Variants in MCF2L2 observed in about 807,000 individuals in gnomAD.
The protein encoded by MCF2L2 is MCF.2 cell line derived transforming sequence-like 2.
A neutral mutation model predicts 150.2 loss-of-function variants in MCF2L2; 102 were observed. The observed-to-expected ratio is 0.68, with a 90% CI of 0.58 to 0.80. The LOEUF is 0.80. MCF2L2 is among the 30% of genes least tolerant of loss of function. The pLI is 0.00. For synonymous variants in MCF2L2, 465 were observed against 491.3 expected, an observed-to-expected ratio of 0.95 and a Z score of 0.71; for missense variants, 1,256 against 1,372.8, an observed-to-expected ratio of 0.91 and a Z score of 1.34.
chr3:183,244,342 C>T (rs1313797384), intron 15 of MCF2L2, among the ~76,000 whole-genome samples: 2 of 152,124 alleles, frequency 1.3e-5, no homozygotes, highest in African/African-American at 2.4e-5. Context: ...TTGCCAGGGG[C>T]TCTTTGGCAC....
intron 13 of MCF2L2, among the ~76,000 whole-genome samples, chr3:183,294,225 T>C (rs1728329073): frequency 6.6e-6 from 1 of 152,214 alleles, no homozygotes; most frequent in Non-Finnish European, 1.5e-5. Flanking sequence ...TTACCTATTT[T>C]TTAAATCTTT....
chr3:183,295,914 T>C (rs1365491142), intron 12 of MCF2L2, among the ~76,000 whole-genome samples: 3 of 152,110 alleles, frequency 2.0e-5, no homozygotes, highest in Admixed American at 1.3e-4. Flanking sequence ...GCCGAGATCA[T>C]GCCACTGCAC....
At chr3:183,377,935 T>C (rs1365961785) in intron 3 of MCF2L2, 1 of 152,076 alleles carries the variant, frequency 6.6e-6, no homozygotes, top group East Asian at 1.9e-4. Flanking sequence ...AGGAGGAAAT[T>C]GATGAAATAT....
chr3:183,275,438 CAGT>C (rs1000247164), intron 15 of MCF2L2, among the ~76,000 whole-genome samples: 2 of 152,208 alleles, frequency 1.3e-5, no homozygotes, highest in African/African-American at 2.4e-5. Context: ...AGAACAAAAA[CAGT>C]AGTCTTACAG....
intron 14 of MCF2L2, among the ~76,000 whole-genome samples, chr3:183,278,197 T>G (rs1036067329): frequency 7.1e-6 from 1 of 141,828 alleles, no homozygotes; most frequent in Non-Finnish European, 1.5e-5. Flanking sequence ...AGAAAAAATA[T>G]ATATATATAT....
intron 1 of MCF2L2, among the ~76,000 whole-genome samples, chr3:183,417,699 T>G (rs555326171): frequency 6.6e-6 from 1 of 152,314 alleles, no homozygotes; most frequent in South Asian, 2.1e-4. Flanking sequence ...AGATACTATG[T>G]TAGTCCGTTT....
At chr3:183,290,098 A>G (rs938728451) in intron 13 of MCF2L2, among the ~76,000 whole-genome samples, 1 of 152,208 alleles carries the variant, frequency 6.6e-6, no homozygotes, top group African/African-American at 2.4e-5. Context: ...GAAAAACACT[A>G]AACTCTTAAC....
At chr3:183,333,753 A>G (rs1036875462) in intron 5 of MCF2L2, among the ~76,000 whole-genome samples, 17 of 152,148 alleles carry the variant, frequency 1.1e-4, no homozygotes, top group African/African-American at 2.9e-4. Flanking sequence ...ATACGTGCAT[A>G]TATTTACAGC....
chr3:183,255,552 C>CTAAGGTAGAACCAGTGT (rs1215536586), intron 15 of MCF2L2, among the ~76,000 whole-genome samples: 2 of 152,122 alleles, frequency 1.3e-5, no homozygotes, highest in Admixed American at 1.3e-4. Context: ...CTGCAAGGCT[C>CTAAGGTAGAACCAGTGT]TAAGGTAGAA....
At chr3:183,202,419 G>C (rs1182348266) in intron 25 of MCF2L2, among the ~76,000 whole-genome samples, 1 of 152,194 alleles carries the variant, frequency 6.6e-6, no homozygotes, top group East Asian at 1.9e-4. Flanking sequence ...GACTCTAGAA[G>C]ACCATGCACA....
intron 15 of MCF2L2, among the ~76,000 whole-genome samples, chr3:183,247,754 G>A (rs2108689356): frequency 6.6e-6 from 1 of 152,162 alleles, no homozygotes; most frequent in East Asian, 1.9e-4. Flanking sequence ...ATTGTATTAG[G>A]TATTATAAGT....
At chr3:183,317,168 T>G (rs1577059210) in intron 7 of MCF2L2, among the ~76,000 whole-genome samples, 1 of 152,184 alleles carries the variant, frequency 6.6e-6, no homozygotes, top group Admixed American at 6.5e-5. Flanking sequence ...TAGTGGTAGG[T>G]GCTCAATAAA....
rs751158534 is a variant in MCF2L2, at chr3:183,309,665, A to G, written c.1113+51T>C. ...TAGCAATGACTGGACATGATCCATC[A>G]TTGTCCACAGCAACCTCCCTCCCAG... On this transcript the variant is annotated intron_variant, in intron 10 of 29. Coordinates refer to ENST00000328913, the MANE Select transcript of MCF2L2 (RefSeq NM_015078.4). 6 of 1,611,636 alleles carry G rather than the reference A, an allele frequency of 3.7e-6. No individual in the cohort carries two copies. The Admixed American group carries it at 5.0e-5, about 13-fold the overall frequency.
chr3:183,239,571 CT>C (rs1400040508), intron 15 of MCF2L2, among the ~76,000 whole-genome samples: 1 of 151,910 alleles, frequency 6.6e-6, no homozygotes, highest in Non-Finnish European at 1.5e-5. Context: ...ACTACTGCCC[CT>C]GTCACCCCCC....
intron 12 of MCF2L2, 103 bp downstream of exon 12, chr3:183,296,873 G>T: frequency 7.7e-7 from 1 of 1,298,450 alleles, no homozygotes; most frequent in Non-Finnish European, 1.0e-6. Context: ...ACTCAATTCA[G>T]CCTGCTCAGT....
At chr3:183,243,318 C>G (rs1164246855) in intron 15 of MCF2L2, among the ~76,000 whole-genome samples, 1 of 152,098 alleles carries the variant, frequency 6.6e-6, no homozygotes, top group Admixed American at 6.6e-5. Flanking sequence ...CAGGATCCTC[C>G]CACACATCCC....
At chr3:183,273,972 T>G (rs1486039498) in intron 15 of MCF2L2, among the ~76,000 whole-genome samples, 1 of 152,144 alleles carries the variant, frequency 6.6e-6, no homozygotes, top group Non-Finnish European at 1.5e-5. Flanking sequence ...CCCAGCACTT[T>G]GGGAGGCCGA....
In MCF2L2 at chr3:183,317,990, C is replaced by G. The variant is rs1275798529; in HGVS notation, c.753+78G>C. 3 of 1,534,344 alleles carry G rather than the reference C, an allele frequency of 2.0e-6. No homozygotes were observed. In the African/African-American group the frequency reaches 4.1e-5, roughly 21 times the overall value. Reference sequence around the variant, plus strand: ...GAAAACGAGGGCTTAACTGTTAATTCTGCTTCCAGCTCTCTCCGAGAGGCA... The same window carrying G: ...GAAAACGAGGGCTTAACTGTTAATTGTGCTTCCAGCTCTCTCCGAGAGGCA... On this transcript the variant is annotated intron_variant, in intron 7 of 29. Coordinates refer to ENST00000328913, the MANE Select transcript of MCF2L2 (RefSeq NM_015078.4).
chr3:183,313,808 C>T (rs1729484820), intron 7 of MCF2L2, among the ~76,000 whole-genome samples: 1 of 152,180 alleles, frequency 6.6e-6, no homozygotes, highest in African/African-American at 2.4e-5. Flanking sequence ...CCGTTGGTGG[C>T]AGGGTAAGGA....
Sources: gnomAD v4.1 joint callset for allele counts (sites outside exome capture counted in the v4.1 genomes callset) on GRCh38, gnomAD v4.1.1 for gene constraint, MANE v1.5 for transcripts, NCBI Gene and HGNC (gene_info 2026-07-23, HGNC 2026-07-21) for gene names.